The following VAV3 variants were observed in gnomAD, a reference collection of about 807,000 sequenced individuals.
The protein encoded by VAV3 is vav guanine nucleotide exchange factor 3, also known as guanine nucleotide exchange factor VAV3.
Under a neutral mutation model 131.2 loss-of-function variants are expected in VAV3, and 94 were observed. The ratio of observed to expected loss-of-function variants is 0.72; its 90% CI spans 0.61 to 0.85. The LOEUF (loss-of-function observed/expected upper bound fraction) is 0.85. Ranked by LOEUF, VAV3 falls within the 40% of genes least tolerant of loss-of-function variation. VAV3 has a pLI of 0.00. For synonymous variants in VAV3, 349 were observed against 342.0 expected, an observed-to-expected ratio of 1.02 and a Z score of -0.22; for missense variants, 939 against 1,002.7, an observed-to-expected ratio of 0.94 and a Z score of 0.86.
intron 1 of VAV3, among the ~76,000 whole-genome samples, chr1:107,918,426 T>C (rs1259505291): frequency 6.6e-6 from 1 of 152,094 alleles, no homozygotes; most frequent in African/African-American, 2.4e-5. Context: ...TCTCAGAGTA[T>C]TTAATGTTTC....
At chr1:107,949,681 C>G (rs778271014) in intron 1 of VAV3, among the ~76,000 whole-genome samples, 1 of 152,160 alleles carries the variant, frequency 6.6e-6, no homozygotes, top group Non-Finnish European at 1.5e-5. Context: ...TTCCTGCTTC[C>G]TCCTTAGTGA....
intron 15 of VAV3, among the ~76,000 whole-genome samples, chr1:107,742,269 A>G (rs1247618696): frequency 6.6e-6 from 1 of 152,124 alleles, no homozygotes; most frequent in Admixed American, 6.5e-5. Flanking sequence ...TTGTCAGAAA[A>G]CTTACAGAGT....
At chr1:107,600,353 TTTC>T (rs1350224152) in intron 24 of VAV3, among the ~76,000 whole-genome samples, 2 of 152,220 alleles carry the variant, frequency 1.3e-5, no homozygotes, top group Non-Finnish European at 2.9e-5. Context: ...GCTCCTTGTT[TTTC>T]TTTTCATAAT....
At chr1:107,648,278 T>C (rs571191867) in intron 19 of VAV3, among the ~76,000 whole-genome samples, 35 of 152,140 alleles carry the variant, frequency 2.3e-4, no homozygotes, top group African/African-American at 8.4e-4. Context: ...AGTCACTCTT[T>C]GGCACTGTCT....
chr1:107,891,938 C>A (rs965727949), intron 1 of VAV3, among the ~76,000 whole-genome samples: 3 of 151,246 alleles, frequency 2.0e-5, no homozygotes, highest in African/African-American at 7.3e-5. Context: ...GGTAACCTAT[C>A]CCTTTAAACT....
chr1:107,749,495 G>A lies in VAV3; in HGVS notation c.1359C>T (p.Ala453=), dbSNP rs772228547. ...EIIDLQQYKI[A]NNPTTDKENK... ...TTTCTTTATCGGTTGTAGGATTATT[G>A]GCTATCTTGTACTGCTGAAGATCTA... Residue 453 remains alanine, a synonymous_variant, in exon 14 of 27, where the codon GCC becomes GCT. Coordinates refer to ENST00000370056, the MANE Select transcript of VAV3 (RefSeq NM_006113.5). 1 of 1,607,120 alleles carries A rather than the reference G, an allele frequency of 6.2e-7. No homozygotes were observed. The highest frequency in any genetic ancestry group is 1.7e-5 in the Admixed American group (1 of 58,384).
intron 9 of VAV3, among the ~76,000 whole-genome samples, chr1:107,761,216 C>T (rs1040065072): frequency 1.7e-4 from 26 of 151,842 alleles, no homozygotes; most frequent in Non-Finnish European, 1.0e-4. Flanking sequence ...GGTGAAACCC[C>T]ATCTCTACTG....
intron 1 of VAV3, among the ~76,000 whole-genome samples, chr1:107,937,474 C>A (rs957377433): frequency 6.6e-6 from 1 of 152,184 alleles, no homozygotes; most frequent in African/African-American, 2.4e-5. Flanking sequence ...AGGACAAGAA[C>A]CATGTAATTC....
intron 2 of VAV3, among the ~76,000 whole-genome samples, chr1:107,874,065 G>C (rs1031200171): frequency 3.3e-5 from 5 of 152,156 alleles, no homozygotes; most frequent in African/African-American, 1.2e-4. Context: ...TGAATTACAA[G>C]AATAAGGACA....
At chr1:107,651,901 G>A (rs1282542081) in intron 19 of VAV3, among the ~76,000 whole-genome samples, 1 of 152,038 alleles carries the variant, frequency 6.6e-6, no homozygotes, top group Non-Finnish European at 1.5e-5. Context: ...TAACTCTCCA[G>A]TTTCATCTTG....
intron 2 of VAV3, among the ~76,000 whole-genome samples, chr1:107,857,450 C>T (rs1669527113): frequency 6.6e-6 from 1 of 152,044 alleles, no homozygotes; most frequent in Admixed American, 6.6e-5. Flanking sequence ...ATTAAAAATC[C>T]TAAGTTAACT....
At chr1:107,879,552 G>C (rs542739268) in intron 1 of VAV3, among the ~76,000 whole-genome samples, 1 of 152,052 alleles carries the variant, frequency 6.6e-6, no homozygotes, top group East Asian at 1.9e-4. Context: ...CATTACTTGA[G>C]TGTTTTTTTT....
intron 1 of VAV3, among the ~76,000 whole-genome samples, chr1:107,930,613 G>A (rs1403518860): frequency 1.3e-5 from 2 of 152,102 alleles, no homozygotes; most frequent in African/African-American, 4.8e-5. Flanking sequence ...GTCAAAAAAT[G>A]TTAAAGAACT....
At chr1:107,858,260 T>C (rs1165581646) in intron 2 of VAV3, among the ~76,000 whole-genome samples, 7 of 152,178 alleles carry the variant, frequency 4.6e-5, no homozygotes, top group Admixed American at 3.9e-4. Flanking sequence ...TGATCTTCAT[T>C]TTGAGATTAA....
chr1:107,786,102 C>A (rs554787633), intron 2 of VAV3, among the ~76,000 whole-genome samples: 4 of 152,166 alleles, frequency 2.6e-5, no homozygotes, highest in Non-Finnish European at 5.9e-5. Flanking sequence ...AGCAGTACAG[C>A]CAGATAAGAT....
chr1:107,822,534 A>G (rs2102363826), intron 2 of VAV3, among the ~76,000 whole-genome samples: 1 of 152,116 alleles, frequency 6.6e-6, no homozygotes, highest in Admixed American at 6.5e-5. Context: ...GGGTGCCTGT[A>G]GTCCCAGCTA....
chr1:107,917,176 G>C (rs983734779), intron 1 of VAV3, among the ~76,000 whole-genome samples: 4 of 152,136 alleles, frequency 2.6e-5, no homozygotes, highest in African/African-American at 9.7e-5. Context: ...GGCCACTGCT[G>C]CAAGAACCCA....
intron 1 of VAV3, among the ~76,000 whole-genome samples, chr1:107,896,311 C>T (rs1456396440): frequency 2.6e-5 from 4 of 152,088 alleles, no homozygotes; most frequent in Non-Finnish European, 5.9e-5. Flanking sequence ...AAGTGGAGTG[C>T]CTCTCCCCAT....
chr1:107,637,412 C>T (rs1655015426), intron 20 of VAV3, among the ~76,000 whole-genome samples: 1 of 152,060 alleles, frequency 6.6e-6, no homozygotes, highest in Non-Finnish European at 1.5e-5. Context: ...CACTTGAGGT[C>T]AGGAGTTTGA....
Sources: gnomAD v4.1 joint callset for allele counts (sites outside exome capture counted in the v4.1 genomes callset) on GRCh38, gnomAD v4.1.1 for gene constraint, MANE v1.5 for transcripts, NCBI Gene and HGNC (gene_info 2026-07-23, HGNC 2026-07-21) for gene names.